R3HCC1L: variants seen among roughly 807,000 people sequenced by gnomAD.
R3HCC1L encodes the protein R3H domain and coiled-coil containing 1 like.
Under a neutral mutation model 59.9 loss-of-function variants are expected in R3HCC1L, and 51 were observed. The ratio of observed to expected loss-of-function variants is 0.85; its 90% CI spans 0.68 to 1.07. The LOEUF is 1.07. Among genes scored for constraint, R3HCC1L ranks in the 50% least tolerant of loss-of-function variants. The pLI is 0.00. For synonymous variants in R3HCC1L, 322 were observed against 315.2 expected (o/e 1.02, Z -0.23); for missense variants, 965 against 933.0 (o/e 1.03, Z -0.45).
intron 5 of R3HCC1L, among the ~76,000 whole-genome samples, chr10:98,226,075 A>G (rs1855641494): frequency 6.6e-6 from 1 of 151,994 alleles, no homozygotes; most frequent in Non-Finnish European, 1.5e-5. Context: ...CTTGAACTCA[A>G]GCAGTTTGCC....
At chr10:98,218,826 T>C (rs1331556196) in intron 5 of R3HCC1L, among the ~76,000 whole-genome samples, 1 of 152,184 alleles carries the variant, frequency 6.6e-6, no homozygotes, top group Non-Finnish European at 1.5e-5. Flanking sequence ...TTAGATCTAA[T>C]AGTATTTTCT....
chr10:98,226,434 A>G (rs1339542892), intron 5 of R3HCC1L, among the ~76,000 whole-genome samples: 1 of 152,234 alleles, frequency 6.6e-6, no homozygotes, highest in Non-Finnish European at 1.5e-5. Flanking sequence ...ATGGAAAGAC[A>G]TCCCATGTTT....
At position 98,166,779 on chromosome 10, in the gene R3HCC1L, C is replaced by T. The variant is rs188545622; in HGVS notation, c.-15+3382C>T. On this transcript the variant is annotated intron_variant, in intron 4 of 9. Transcript: ENST00000298999. ...CTCCCAGGTTCAAGCGATTCTCCTG[C>T]CTCAGCCTCCCGAGTAGCTGGGACT... Among the ~76,000 whole-genome samples the T allele has an allele frequency of 3.0e-3, 452 of 152,268 alleles. 4 individuals are homozygous for T. The highest frequency in any genetic ancestry group is 9.2e-3 in the African/African-American group (382 of 41,562).
At chr10:98,180,937 G>T (rs1235779847) in intron 4 of R3HCC1L, among the ~76,000 whole-genome samples, 1 of 152,042 alleles carries the variant, frequency 6.6e-6, no homozygotes, top group Non-Finnish European at 1.5e-5. Flanking sequence ...TTAAGCCTAT[G>T]TGTGTCTCCG....
At chr10:98,161,194 G>A (rs1429507053) in intron 2 of R3HCC1L, among the ~76,000 whole-genome samples, 1 of 152,108 alleles carries the variant, frequency 6.6e-6, no homozygotes, top group African/African-American at 2.4e-5. Flanking sequence ...AGAGTGTGTT[G>A]GCATACTTTT....
At chr10:98,184,967 C>T (rs1850072305) in intron 4 of R3HCC1L, among the ~76,000 whole-genome samples, 1 of 152,210 alleles carries the variant, frequency 6.6e-6, no homozygotes, top group East Asian at 1.9e-4. Flanking sequence ...GATTTTAGAT[C>T]AATTACTTAG....
rs548991350 is a variant in R3HCC1L, at chr10:98,219,871, G to T, written c.1785+9972G>T. Among the ~76,000 whole-genome samples the T allele has an allele frequency of 5.7e-4, 86 of 152,140 alleles. 1 individual carries two copies. In the Middle Eastern group the frequency reaches 0.01, roughly 18 times the overall value. On this transcript the variant is annotated intron_variant, in intron 5 of 9. Coordinates refer to ENST00000298999, the MANE Select transcript of R3HCC1L (RefSeq NM_001351015.2). Reference sequence around the variant, plus strand: ...GTGTGCCTTGGAGAAGACATTTTTGGGTTGAATCTCTTTGGGAATCTTTGA... The same window carrying T: ...GTGTGCCTTGGAGAAGACATTTTTGTGTTGAATCTCTTTGGGAATCTTTGA...
At position 98,212,441 on chromosome 10, in the gene R3HCC1L, G is replaced by A. The variant is rs1177953671; in HGVS notation, c.1785+2542G>A. ...AGCAAGGTGTGACAGCCATTGGCTT[G>A]TGAAGCAATTTCCTGTGACATTTGA... On this transcript the variant is annotated intron_variant, in intron 5 of 9. Coordinates refer to ENST00000298999, the MANE Select transcript of R3HCC1L (RefSeq NM_001351015.2). Among the ~76,000 whole-genome samples the A allele has an allele frequency of 2.0e-5, 3 of 152,252 alleles. No homozygotes were observed. The South Asian group carries it at 6.2e-4, about 32-fold the overall frequency.
intron 1 of R3HCC1L, among the ~76,000 whole-genome samples, chr10:98,139,103 C>T (rs1336373317): frequency 1.3e-5 from 2 of 152,138 alleles, no homozygotes; most frequent in East Asian, 3.9e-4. Context: ...AAACACACAG[C>T]AAAGCTAATT....
At position 98,209,034 on chromosome 10, in the gene R3HCC1L, C is replaced by G; in HGVS notation, c.920C>G (p.Ser307Cys). The G allele has an allele frequency of 6.2e-7, 1 of 1,613,652 alleles. No homozygotes were observed. Among genetic ancestry groups the G allele is most frequent in the Non-Finnish European group, 8.5e-7 (1 of 1,179,616 alleles). The change falls in exon 5 of 10, where the codon TCC becomes TGC. Residue 307 changes from serine (S) to cysteine (C), a missense_variant. By Grantham distance (112) the Ser-to-Cys change is moderately radical. Transcript: ENST00000298999. ...GFILDQKDTD[S>C]IPATMGHISL... ...ATCTTAGATCAAAAAGATACAGATT[C>G]CATTCCTGCAACTATGGGTCACATC...
At chr10:98,239,932 G>A (rs944454005) in intron 9 of R3HCC1L, among the ~76,000 whole-genome samples, 3 of 152,094 alleles carry the variant, frequency 2.0e-5, no homozygotes, top group East Asian at 1.9e-4. Context: ...TTGGACTCAA[G>A]TGATCTCCTG....
intron 5 of R3HCC1L, chr10:98,211,174 G>T (rs1853524977): frequency 7.0e-6 from 4 of 574,884 alleles, no homozygotes; most frequent in Admixed American, 3.0e-5. Flanking sequence ...TTTTTTCATA[G>T]CTTTCATCAG....
chr10:98,226,434 A>T (rs1339542892), intron 5 of R3HCC1L, among the ~76,000 whole-genome samples: 1 of 152,234 alleles, frequency 6.6e-6, no homozygotes, highest in Non-Finnish European at 1.5e-5. Flanking sequence ...ATGGAAAGAC[A>T]TCCCATGTTT....
At position 98,208,762 on chromosome 10, in the gene R3HCC1L, A is replaced by C. The variant is rs1479360695; in HGVS notation, c.648A>C (p.Ile216=). 5.6e-6 allele frequency: 9 copies of C among 1,614,118 alleles called. No individual in the cohort carries two copies. The highest frequency in any genetic ancestry group is 7.6e-6 in the Non-Finnish European group (9 of 1,179,998). Residue 216 remains isoleucine, a synonymous_variant, in exon 5 of 10, where the codon ATA becomes ATC. Transcript: ENST00000298999. The part of the protein sequence containing the change: ...RIETDTKVLE[I]LYEFPRVFSS... ...AAACTGATACCAAGGTTTTGGAGATACTATATGAGTTTCCTAGAGTTTTTA... is the reference window on the plus strand; with the variant it reads ...AAACTGATACCAAGGTTTTGGAGATCCTATATGAGTTTCCTAGAGTTTTTA...
chr10:98,182,534 T>A lies in R3HCC1L; in HGVS notation c.-15+19137T>A, dbSNP rs555568462. Among the ~76,000 whole-genome samples the A allele has an allele frequency of 1.8e-4, 27 of 152,192 alleles. 2 individuals carry two copies. The South Asian group carries it at 5.6e-3, about 32-fold the overall frequency. ...GAGGCAGTCTGTCCTTTCTCAGAGC[T>A]CAAACACCGTGCTCGGAGAACCACT... is the stretch of plus-strand genomic sequence containing the variant. On this transcript the variant is annotated intron_variant, in intron 4 of 9. Coordinates refer to ENST00000298999, the MANE Select transcript of R3HCC1L (RefSeq NM_001351015.2).
At chr10:98,165,828 AT>A (rs1358640559) in intron 4 of R3HCC1L, among the ~76,000 whole-genome samples, 1 of 152,162 alleles carries the variant, frequency 6.6e-6, no homozygotes, top group African/African-American at 2.4e-5. Flanking sequence ...TTGGGATGTA[AT>A]TTAGTCATGA....
At position 98,208,913 on chromosome 10, in the gene R3HCC1L, ACTT is replaced by A; in HGVS notation, c.802_804del (p.Ser268del). 1 of 1,614,074 alleles carries A rather than the reference ACTT, an allele frequency of 6.2e-7. No individual in the cohort carries two copies. Among genetic ancestry groups the A allele is most frequent in the Non-Finnish European group, 8.5e-7 (1 of 1,179,996 alleles). On this transcript the variant is annotated inframe_deletion, in exon 5 of 10. Coordinates refer to ENST00000298999, the MANE Select transcript of R3HCC1L (RefSeq NM_001351015.2). Reference sequence around the variant, plus strand: ...TCCCAGCAGCGGAGGCATCACCACTACTTCTGTTCCTGGAAGTCCAGATGGTGT... The same window carrying A: ...TCCCAGCAGCGGAGGCATCACCACTACTGTTCCTGGAAGTCCAGATGGTGT...
At chr10:98,224,063 T>G (rs535622205) in intron 5 of R3HCC1L, among the ~76,000 whole-genome samples, 98 of 152,030 alleles carry the variant, frequency 6.4e-4, no homozygotes, top group Admixed American at 4.3e-3. Context: ...CTGTGGCAAG[T>G]GGGGCAGGCT....
At chr10:98,175,748 G>A (rs1226034488) in intron 4 of R3HCC1L, among the ~76,000 whole-genome samples, 1 of 152,008 alleles carries the variant, frequency 6.6e-6, no homozygotes, top group African/African-American at 2.4e-5. Flanking sequence ...TCTCTTACAT[G>A]TCTTTGAAGA....
Sources: allele counts gnomAD v4.1 joint callset (sites outside exome capture counted in the v4.1 genomes callset), GRCh38; gene constraint gnomAD v4.1.1; transcripts MANE v1.5; gene names NCBI Gene and HGNC (gene_info 2026-07-23, HGNC 2026-07-21).